AOPEP: variants seen among roughly 807,000 people sequenced by gnomAD.
AOPEP encodes the protein aminopeptidase O.
In AOPEP, 77 loss-of-function variants were observed where a neutral mutation model predicts 98.1. That is an observed-to-expected ratio of 0.78 (90% CI 0.65 to 0.95). AOPEP has a LOEUF of 0.95. Among genes scored for constraint, AOPEP ranks in the 40% least tolerant of loss-of-function variants. The pLI is 0.00. For missense variants in AOPEP, 1,024 were observed against 1,024.7 expected, an observed-to-expected ratio of 1.00 and a Z score of 0.01; for synonymous variants, 346 against 365.3, an observed-to-expected ratio of 0.95 and a Z score of 0.60.
intron 14 of AOPEP, among the ~76,000 whole-genome samples, chr9:95,079,494 G>T (rs1179029300): frequency 6.6e-6 from 1 of 152,234 alleles, no homozygotes; most frequent in Non-Finnish European, 1.5e-5. Flanking sequence ...GTATAAAATG[G>T]TTGACGTGGT....
At chr9:94,799,403 TA>T (rs765788408) in intron 4 of AOPEP, among the ~76,000 whole-genome samples, 2,345 of 132,696 alleles carry the variant, frequency 0.018, 34 homozygotes, top group African/African-American at 0.044. Context: ...CCCCATCTCT[TA>T]AAAAAAAAAA....
intron 5 of AOPEP, among the ~76,000 whole-genome samples, chr9:94,910,407 G>A (rs1235651680): frequency 2.0e-5 from 3 of 152,286 alleles, no homozygotes; most frequent in African/African-American, 2.4e-5. Context: ...TCTGGCTTCC[G>A]AGCGAGGACT....
At chr9:95,082,992 G>C (rs1204873872) in intron 16 of AOPEP, 1 of 404,816 alleles carries the variant, frequency 2.5e-6, no homozygotes, top group Non-Finnish European at 4.5e-6. Context: ...CACTATTTTG[G>C]CCACTTCAGG....
At chr9:94,839,356 T>G (rs759538633) in intron 5 of AOPEP, among the ~76,000 whole-genome samples, 13 of 152,184 alleles carry the variant, frequency 8.5e-5, no homozygotes, top group African/African-American at 2.9e-4. Flanking sequence ...CCAAAGTGGC[T>G]GGGATTATAG....
intron 13 of AOPEP, among the ~76,000 whole-genome samples, chr9:95,010,261 A>G (rs552663484): frequency 1.3e-5 from 2 of 152,340 alleles, no homozygotes; most frequent in East Asian, 3.9e-4. Flanking sequence ...GTCTTTTGTT[A>G]CAAAGGTATA....
rs78658042 is a variant in AOPEP at position 94,741,393 on chromosome 9, C to T, written c.-136+14642C>T. Reference sequence around the variant, plus strand: ...GTTCACGCCATTCTTCTGCTTCAGCCCCCCGAGTAGCTGGGACTACAGGCG... The same window carrying T: ...GTTCACGCCATTCTTCTGCTTCAGCTCCCCGAGTAGCTGGGACTACAGGCG... On this transcript the variant is annotated intron_variant, in intron 1 of 16. Coordinates refer to ENST00000375315, the MANE Select transcript of AOPEP (RefSeq NM_001193329.3). Among the ~76,000 whole-genome samples, 728 of 152,124 alleles carry T rather than the reference C, an allele frequency of 4.8e-3. 1 individual carries two copies. The highest frequency in any genetic ancestry group is 0.017 in the African/African-American group (704 of 41,512).
rs559709914 is a variant in AOPEP, at chr9:95,065,720, G to T, written c.2232+4910G>T. Among the ~76,000 whole-genome samples, 8 of 152,288 alleles carry T rather than the reference G, an allele frequency of 5.3e-5. No individual in the cohort carries two copies. The South Asian group carries it at 6.2e-4, about 12-fold the overall frequency. On this transcript the variant is annotated intron_variant, in intron 14 of 16. Transcript: ENST00000375315. Reference sequence around the variant, plus strand: ...AAATACAAGGAACCAGGTCCCCCCGGGATCCCAAAAGGGCAAGTTGACACT... The same window carrying T: ...AAATACAAGGAACCAGGTCCCCCCGTGATCCCAAAAGGGCAAGTTGACACT...
rs578208655 is a variant in AOPEP, at chr9:95,014,432, A to C, written c.2115+8816A>C. ...TGTTGCTATAAGCCTAGATCGTGCCACTGCCTTCCAGCCTGGGTGACAGAG... is the reference window on the plus strand; with the variant it reads ...TGTTGCTATAAGCCTAGATCGTGCCCCTGCCTTCCAGCCTGGGTGACAGAG... On this transcript the variant is annotated intron_variant, in intron 13 of 16. Coordinates refer to ENST00000375315, the MANE Select transcript of AOPEP (RefSeq NM_001193329.3). Among the ~76,000 whole-genome samples, 22 of 152,216 alleles carry C rather than the reference A, an allele frequency of 1.4e-4. 1 individual carries two copies. In the South Asian group the frequency reaches 4.6e-3, roughly 32 times the overall value.
intron 1 of AOPEP, among the ~76,000 whole-genome samples, chr9:94,736,565 A>G (rs1022484870): frequency 1.3e-5 from 2 of 152,168 alleles, no homozygotes; most frequent in African/African-American, 4.8e-5. Flanking sequence ...ACAGTAATAA[A>G]TTATATTAGT....
At chr9:94,842,400 C>G (rs1428570399) in intron 5 of AOPEP, among the ~76,000 whole-genome samples, 1 of 151,976 alleles carries the variant, frequency 6.6e-6, no homozygotes, top group Non-Finnish European at 1.5e-5. Flanking sequence ...CAAAATAAAA[C>G]CAAAACTAAG....
rs746076600 is a variant in AOPEP at position 94,800,968 on chromosome 9, G to A, written c.1330G>A (p.Val444Ile). The change falls in exon 5 of 17, where the codon GTC (valine) becomes ATC (isoleucine). Residue 444 changes from valine to isoleucine, a missense_variant. Transcript: ENST00000375315. ...GTTCTCTCGGCTGGATGTTCTCATC[G>A]TCCCTGCCAACTTTCCAAGTCTGGG... ...HPFSRLDVLI[V>I]PANFPSLGMA... The A allele has an allele frequency of 2.2e-5, 36 of 1,614,048 alleles. 1 individual carries two copies. The highest frequency in any genetic ancestry group is 6.6e-5 in the South Asian group (6 of 91,084).
At chr9:95,055,819 CT>C (rs776233636) in intron 13 of AOPEP, among the ~76,000 whole-genome samples, 8 of 152,200 alleles carry the variant, frequency 5.3e-5, no homozygotes, top group Non-Finnish European at 1.0e-4. Context: ...TCAAAGGACC[CT>C]GCTTGTGTTG....
intron 5 of AOPEP, among the ~76,000 whole-genome samples, chr9:94,849,624 A>G (rs909620802): frequency 1.3e-5 from 2 of 151,166 alleles, no homozygotes; most frequent in African/African-American, 4.9e-5. Context: ...GGAGGAGGGC[A>G]TGGTTTAGGG....
intron 11 of AOPEP, among the ~76,000 whole-genome samples, chr9:94,996,352 G>C (rs1056562408): frequency 5.6e-4 from 44 of 78,774 alleles, no homozygotes; most frequent in Admixed American, 3.9e-3. Flanking sequence ...ACTTGCCTCT[G>C]TGTGTGTGTG....
At chr9:94,966,716 G>A (rs1179775868) in intron 9 of AOPEP, among the ~76,000 whole-genome samples, 1 of 152,148 alleles carries the variant, frequency 6.6e-6, no homozygotes, top group Non-Finnish European at 1.5e-5. Context: ...AGAAAAATCA[G>A]TAAAATTCAA....
intron 9 of AOPEP, among the ~76,000 whole-genome samples, chr9:94,960,937 G>C (rs922912306): frequency 6.6e-6 from 1 of 151,446 alleles, no homozygotes; most frequent in South Asian, 2.1e-4. Flanking sequence ...GCGTGAACCC[G>C]GGAGGCGGAG....
At chr9:95,026,999 C>T (rs932234319) in intron 13 of AOPEP, among the ~76,000 whole-genome samples, 3 of 152,158 alleles carry the variant, frequency 2.0e-5, no homozygotes, top group African/African-American at 4.8e-5. Context: ...TGGTGGCTCA[C>T]GCTTGTAATC....
intron 1 of AOPEP, among the ~76,000 whole-genome samples, chr9:94,745,230 C>G (rs1024171415): frequency 6.6e-6 from 1 of 152,130 alleles, no homozygotes; most frequent in Non-Finnish European, 1.5e-5. Context: ...CCTACCTAGC[C>G]TCTGGAAACT....
At chr9:94,881,129 TG>T (rs1213339010) in intron 5 of AOPEP, among the ~76,000 whole-genome samples, 3 of 152,230 alleles carry the variant, frequency 2.0e-5, no homozygotes, top group African/African-American at 7.2e-5. Flanking sequence ...TGAAAAATGC[TG>T]AGCTTGGTTG....
Sources: gnomAD v4.1 joint callset for allele counts (sites outside exome capture counted in the v4.1 genomes callset) on GRCh38, gnomAD v4.1.1 for gene constraint, MANE v1.5 for transcripts, NCBI Gene and HGNC (gene_info 2026-07-23, HGNC 2026-07-21) for gene names.